Variants in NRG1 observed in about 807,000 individuals in gnomAD.
The protein encoded by NRG1 is neuregulin 1, also known as pro-neuregulin-1, membrane-bound isoform.
NRG1 carries 18 observed loss-of-function variants against 63.8 expected under a neutral mutation model. The ratio of observed to expected loss-of-function variants is 0.28; its 90% CI spans 0.19 to 0.42. The LOEUF is 0.42. Ranked by LOEUF, NRG1 falls within the 10% of genes least tolerant of loss-of-function variation. NRG1 has a pLI of 1.00. For missense variants in NRG1, 762 were observed against 814.7 expected (o/e 0.94, Z 0.79); for synonymous variants, 302 against 301.3 (o/e 1.00, Z -0.02).
intron 7 of NRG1, among the ~76,000 whole-genome samples, chr8:32,743,679 A>T (rs987268134): frequency 6.6e-6 from 1 of 150,624 alleles, no homozygotes. Flanking sequence ...TTCCTAAAAG[A>T]CCCAATTCAC....
At chr8:31,660,364 T>C (rs973760957) in intron 1 of NRG1, among the ~76,000 whole-genome samples, 1 of 152,198 alleles carries the variant, frequency 6.6e-6, no homozygotes, top group Admixed American at 6.5e-5. Context: ...GCACCTCTGC[T>C]AAGGCACATC....
At chr8:31,809,857 G>GTTTT (rs1822710964) in intron 1 of NRG1, among the ~76,000 whole-genome samples, 1 of 143,498 alleles carries the variant, frequency 7.0e-6, no homozygotes. Flanking sequence ...TTTTTTTTAG[G>GTTTT]GTCAGATCCC....
chr8:31,935,502 C>G (rs890939693), intron 1 of NRG1, among the ~76,000 whole-genome samples: 1 of 152,172 alleles, frequency 6.6e-6, no homozygotes, highest in Non-Finnish European at 1.5e-5. Context: ...AAGTGGTCCT[C>G]CCGCCTCAGC....
At chr8:32,584,124 C>A (rs1321927943) in intron 1 of NRG1, among the ~76,000 whole-genome samples, 1 of 152,164 alleles carries the variant, frequency 6.6e-6, no homozygotes, top group Non-Finnish European at 1.5e-5. Flanking sequence ...GCACTGACTT[C>A]CATCATACGG....
intron 1 of NRG1, among the ~76,000 whole-genome samples, chr8:32,419,618 G>T (rs142257309): frequency 2.6e-5 from 4 of 152,154 alleles, no homozygotes; most frequent in Non-Finnish European, 4.4e-5. Context: ...TTCTTTCAAA[G>T]TCTATTTGAA....
rs546279340 is a variant in NRG1 at position 31,973,771 on chromosome 8, T to C, written c.37+334340T>C. 1.0e-3 allele frequency among the ~76,000 whole-genome samples: 154 copies of C among 152,354 alleles called. 1 individual carries two copies. The Middle Eastern group carries it at 0.01, about 10-fold the overall frequency. ...CAGGAAATTTCCTGATAATGGTTTG[T>C]TGTCTGTGTGGATAGACCAAATTGT... On this transcript the variant is annotated intron_variant, in intron 1 of 10. Coordinates refer to the NRG1 transcript ENST00000519301.
intron 1 of NRG1, among the ~76,000 whole-genome samples, chr8:31,929,436 T>C (rs974696317): frequency 1.3e-5 from 2 of 151,988 alleles, no homozygotes; most frequent in Admixed American, 6.6e-5. Flanking sequence ...TTAAATTGTA[T>C]ACATTTTATA....
At chr8:31,967,659 A>G (rs1456268761) in intron 1 of NRG1, among the ~76,000 whole-genome samples, 1 of 152,218 alleles carries the variant, frequency 6.6e-6, no homozygotes, top group Non-Finnish European at 1.5e-5. Context: ...GGAACCAGGC[A>G]GCAGTTCTGT....
chr8:32,438,005 C>T lies in NRG1; in HGVS notation c.38-157823C>T, dbSNP rs564580825. 1.2e-4 allele frequency among the ~76,000 whole-genome samples: 18 copies of T among 152,244 alleles called. No individual in the cohort carries two copies. The South Asian group carries it at 3.7e-3, about 32-fold the overall frequency. On this transcript the variant is annotated intron_variant, in intron 1 of 10. Coordinates refer to the NRG1 transcript ENST00000519301. ...GTATTTTGAGGTAATTGTAGATTCA[C>T]ATGCAGCTATAAGAAATAATGCAAA... is the stretch of plus-strand genomic sequence containing the variant.
At chr8:32,560,373 A>G (rs543359838) in intron 1 of NRG1, among the ~76,000 whole-genome samples, 1 of 152,326 alleles carries the variant, frequency 6.6e-6, no homozygotes, top group East Asian at 1.9e-4. Flanking sequence ...TTAGCATTTC[A>G]CATCTCTAGA....
intron 1 of NRG1, among the ~76,000 whole-genome samples, chr8:32,044,782 T>C (rs928653882): frequency 7.3e-5 from 11 of 150,912 alleles, no homozygotes; most frequent in Admixed American, 2.0e-4. Context: ...GTACAGCATA[T>C]CAAATTTGTG....
At chr8:32,554,931 T>TC (rs1230201734) in intron 1 of NRG1, among the ~76,000 whole-genome samples, 3 of 86,684 alleles carry the variant, frequency 3.5e-5, no homozygotes, top group Non-Finnish European at 8.6e-5. Context: ...CTCTCTCTCT[T>TC]TTTTTTTTTA....
intron 1 of NRG1, among the ~76,000 whole-genome samples, chr8:31,768,510 G>C (rs528758281): frequency 6.6e-6 from 1 of 152,172 alleles, no homozygotes; most frequent in African/African-American, 2.4e-5. Flanking sequence ...GCCCACTGAA[G>C]TTATAACTTG....
intron 5 of NRG1, chr8:32,647,918 G>A: frequency 6.2e-7 from 1 of 1,614,172 alleles, no homozygotes; most frequent in Non-Finnish European, 8.5e-7. Context: ...CTGAGCGCCT[G>A]AGAGGTTGCC....
At chr8:31,903,148 C>CTTTTTTTTTT (rs35433200) in intron 1 of NRG1, among the ~76,000 whole-genome samples, 1 of 125,512 alleles carries the variant, frequency 8.0e-6, no homozygotes, top group Non-Finnish European at 1.6e-5. Flanking sequence ...GAGCCTTCAA[C>CTTTTTTTTTT]TTTTTTTTTT....
intron 1 of NRG1, among the ~76,000 whole-genome samples, chr8:32,181,624 G>A (rs1841437583): frequency 6.6e-6 from 1 of 152,222 alleles, no homozygotes; most frequent in Admixed American, 6.5e-5. Context: ...AATAAGAGAT[G>A]TGCTTCCAGC....
At chr8:31,859,304 C>T (rs1828248337) in intron 1 of NRG1, among the ~76,000 whole-genome samples, 1 of 152,232 alleles carries the variant, frequency 6.6e-6, no homozygotes, top group South Asian at 2.1e-4. Flanking sequence ...TACTAACATT[C>T]CATCTCATTA....
chr8:32,748,980 ATAAT>A (rs905237094), intron 7 of NRG1: 4 of 199,336 alleles, frequency 2.0e-5, no homozygotes, highest in African/African-American at 9.6e-5. Context: ...AGCTAAGAAA[ATAAT>A]TAGATAACCA....
intron 1 of NRG1, among the ~76,000 whole-genome samples, chr8:32,550,810 A>T (rs1833963530): frequency 6.6e-6 from 1 of 152,198 alleles, no homozygotes; most frequent in Non-Finnish European, 1.5e-5. Context: ...CAGTATCTTT[A>T]AGTGACATTT....
Sources: gnomAD v4.1 joint callset for allele counts (sites outside exome capture counted in the v4.1 genomes callset) on GRCh38, gnomAD v4.1.1 for gene constraint, MANE v1.5 for transcripts, NCBI Gene and HGNC (gene_info 2026-07-23, HGNC 2026-07-21) for gene names.